The following TEN1 variants were observed in gnomAD, a reference collection of about 807,000 sequenced individuals.
The protein encoded by TEN1 is TEN1 subunit of CST complex, also known as CST complex subunit TEN1.
Under a neutral mutation model 9.3 loss-of-function variants are expected in TEN1, and 6 were observed. That is an observed-to-expected ratio of 0.65 (90% confidence interval 0.35 to 1.27). The LOEUF (loss-of-function observed/expected upper bound fraction) is 1.27. Among genes scored for constraint, TEN1 ranks in the 50% most tolerant of loss-of-function variants. The probability of loss-of-function intolerance (pLI) is 0.03; values close to 1 mark genes in which losing one functional copy is unlikely to be tolerated. For synonymous variants in TEN1, 65 were observed against 65.6 expected, an observed-to-expected ratio of 0.99 and a Z score of 0.04; for missense variants, 149 against 158.2, an observed-to-expected ratio of 0.94 and a Z score of 0.31.
At chr17:75,990,049 G>GA (rs1262041033) in intron 2 of TEN1, among the ~76,000 whole-genome samples, 2 of 147,468 alleles carry the variant, frequency 1.4e-5, no homozygotes, top group Non-Finnish European at 3.0e-5. Context: ...GCCCAACCTA[G>GA]ATTTTTTTTT....
At chr17:75,990,340 C>G (rs1302799718) in intron 2 of TEN1, among the ~76,000 whole-genome samples, 1 of 151,902 alleles carries the variant, frequency 6.6e-6, no homozygotes, top group East Asian at 1.9e-4. Context: ...TGAGCCACCA[C>G]GCCCAGCTAG....
Position 76,000,099 on chromosome 17 carries a change from C to T in TEN1, c.251-42C>T, listed in dbSNP as rs913628512. 131 of 1,542,286 alleles carry T rather than the reference C, an allele frequency of 8.5e-5. 1 individual carries two copies. Among genetic ancestry groups the T allele is most frequent in the Middle Eastern group, 6.8e-4 (4 of 5,854 alleles). ...TGCACCTTGGAGGACGTTGTTGACA[C>T]GCCGCTCAGTCGCCGTTCGTGCCCT... On this transcript the variant is annotated intron_variant, in intron 3 of 3. Transcript: ENST00000397640. This position sits in a 1 kb window ranked among gnomAD's most constrained non-coding sequence, Gnocchi z 5.9.
At chr17:75,986,051 T>G (rs1344775435) in intron 1 of TEN1, 136 bp from the exon 2 acceptor site, 1 of 691,708 alleles carries the variant, frequency 1.4e-6, no homozygotes, top group Non-Finnish European at 2.3e-6. Flanking sequence ...AAAAATTTTT[T>G]TTTTAATTTT....
intron 2 of TEN1, among the ~76,000 whole-genome samples, chr17:75,986,649 C>T (rs1344209080): frequency 2.0e-5 from 3 of 151,462 alleles, no homozygotes; most frequent in Non-Finnish European, 2.9e-5. Context: ...TGTAGCGAGC[C>T]GAAATCGCGC....
At chr17:75,990,157 C>T (rs1215601112) in intron 2 of TEN1, among the ~76,000 whole-genome samples, 3 of 151,838 alleles carry the variant, frequency 2.0e-5, no homozygotes, top group Non-Finnish European at 2.9e-5. Context: ...GTGATCCTCC[C>T]GTCTTGGCCT....
chr17:75,991,906 G>T (rs1160270093), intron 3 of TEN1, among the ~76,000 whole-genome samples: 1 of 152,114 alleles, frequency 6.6e-6, no homozygotes, highest in Non-Finnish European at 1.5e-5. Flanking sequence ...ACTTAGCTGG[G>T]CGTGGTGGCA....
At chr17:75,992,227 A>ATT (rs34796182) in intron 3 of TEN1, among the ~76,000 whole-genome samples, 4 of 148,404 alleles carry the variant, frequency 2.7e-5, no homozygotes, top group Admixed American at 6.7e-5. Context: ...AGTCTTAAAA[A>ATT]TTTTTTTTTT....
chr17:75,993,904 G>T (rs544167598), intron 3 of TEN1, among the ~76,000 whole-genome samples: 1 of 152,184 alleles, frequency 6.6e-6, no homozygotes, highest in African/African-American at 2.4e-5. Flanking sequence ...GCTGAGGCAG[G>T]AGAATCGCTT....
At chr17:75,995,208 G>A (rs2066211593) in intron 3 of TEN1, among the ~76,000 whole-genome samples, 1 of 144,016 alleles carries the variant, frequency 6.9e-6, no homozygotes, top group Admixed American at 7.0e-5. Flanking sequence ...ATGACAGAGT[G>A]AGACCCTGTT....
Position 76,000,505 on chromosome 17 carries a change from C to T in TEN1, c.*243C>T, listed in dbSNP as rs558304799. On this transcript the variant is annotated 3_prime_UTR_variant, in exon 4 of 4. Transcript: ENST00000397640. This position sits in a 1 kb window ranked among gnomAD's most constrained non-coding sequence, Gnocchi z 5.9. ...GAGACTGCAGGTGGCCGAGCTTGGG[C>T]GCCGGGGCCGTGCTTGGTGTGGGGC... 517 of 554,798 alleles carry T rather than the reference C, an allele frequency of 9.3e-4. 7 individuals are homozygous for T. In the South Asian group the frequency reaches 0.012, roughly 13 times the overall value. 34.4% of individuals were successfully genotyped at this position (554,798 alleles called of 1,614,324 possible).
chr17:75,979,365 G>A lies in TEN1; in HGVS notation c.-153G>A. The A allele has an allele frequency of 2.0e-5, 11 of 545,160 alleles. 2 individuals are homozygous for A. In the South Asian group the frequency reaches 2.2e-4, roughly 11 times the overall value. 33.8% of individuals were successfully genotyped at this position (545,160 alleles called of 1,614,324 possible). A position where few individuals can be genotyped will look rare whatever the true frequency, so the allele number is the denominator to read the frequency against. On this transcript the variant is annotated 5_prime_UTR_variant, in exon 1 of 4. Transcript: ENST00000397640. ...GGGAGGCTCCCGAGCGGATCCTCGG[G>A]AAAGGGGCTCCGAAGGTCAAGAAAC... is the stretch of plus-strand genomic sequence containing the variant.
At chr17:75,992,382 C>G (rs1223148670) in intron 3 of TEN1, among the ~76,000 whole-genome samples, 1 of 151,930 alleles carries the variant, frequency 6.6e-6, no homozygotes, top group Admixed American at 6.6e-5. Context: ...GCGTGCACCA[C>G]CACACCTGGC....
chr17:75,986,047 T>A (rs1037518557), intron 1 of TEN1, 140 bp from the exon 2 acceptor site: 33 of 639,608 alleles, frequency 5.2e-5, no homozygotes, highest in Admixed American at 7.2e-5. Flanking sequence ...CCCAAAAAAT[T>A]TTTTTTTTAA....
At chr17:75,986,045 A>T (rs562514051) in intron 1 of TEN1, 142 bp from the exon 2 acceptor site, 34 of 581,550 alleles carry the variant, frequency 5.8e-5, no homozygotes, top group East Asian at 1.0e-4. Flanking sequence ...CCCCCAAAAA[A>T]TTTTTTTTTT....
intron 3 of TEN1, among the ~76,000 whole-genome samples, chr17:75,997,562 G>C (rs2066225172): frequency 6.6e-6 from 1 of 152,116 alleles, no homozygotes; most frequent in Non-Finnish European, 1.5e-5. Flanking sequence ...CCTTCCTCTA[G>C]TCTAAGAGGA....
intron 2 of TEN1, among the ~76,000 whole-genome samples, chr17:75,988,426 G>T (rs2066165021): frequency 6.6e-6 from 1 of 151,242 alleles, no homozygotes; most frequent in Admixed American, 6.6e-5. Context: ...GCCAGGCATG[G>T]CAGTGTGCGC....
At chr17:75,990,518 T>C (rs2066178291) in intron 2 of TEN1, among the ~76,000 whole-genome samples, 2 of 150,388 alleles carry the variant, frequency 1.3e-5, no homozygotes, top group South Asian at 4.2e-4. Flanking sequence ...TTTCTATTTA[T>C]AGCATTTGTA....
At chr17:75,991,257 A>G (rs1017882070) in intron 2 of TEN1, among the ~76,000 whole-genome samples, 3 of 152,152 alleles carry the variant, frequency 2.0e-5, no homozygotes, top group South Asian at 4.1e-4. Flanking sequence ...AGAAAATTGA[A>G]GGCAAGGAGA....
chr17:75,995,318 G>A (rs1314925417), intron 3 of TEN1, among the ~76,000 whole-genome samples: 1 of 152,028 alleles, frequency 6.6e-6, no homozygotes, highest in Non-Finnish European at 1.5e-5. Flanking sequence ...CTTGAGCCCA[G>A]GAGTTCAAGA....
Sources: allele counts gnomAD v4.1 joint callset (sites outside exome capture counted in the v4.1 genomes callset), GRCh38; gene constraint gnomAD v4.1.1; non-coding constraint Gnocchi (gnomAD v3.1); transcripts MANE v1.5; gene names NCBI Gene and HGNC (gene_info 2026-07-23, HGNC 2026-07-21).